SPATA22: variants seen among roughly 807,000 people sequenced by gnomAD.
SPATA22 encodes the protein spermatogenesis-associated protein 22.
A neutral mutation model predicts 47.8 loss-of-function variants in SPATA22; 29 were observed. That is an observed-to-expected ratio of 0.61 (90% CI 0.45 to 0.83). SPATA22 has a LOEUF of 0.83. Ranked by LOEUF, SPATA22 falls within the 40% of genes least tolerant of loss-of-function variation. The pLI is 0.00. For synonymous variants in SPATA22, 133 were observed against 140.9 expected (o/e 0.94, Z 0.40); for missense variants, 410 against 421.7 (o/e 0.97, Z 0.24).
At chr17:3,506,209 A>G (rs1344564019) in intron 1 of SPATA22, among the ~76,000 whole-genome samples, 4 of 152,186 alleles carry the variant, frequency 2.6e-5, no homozygotes, top group Admixed American at 2.0e-4. Flanking sequence ...ACACCTACCA[A>G]GCCGATGACT....
chr17:3,440,360 T>G (rs200477962), intron 8 of SPATA22, 22 bp from the exon 9 acceptor site: 3 of 1,494,480 alleles, frequency 2.0e-6, no homozygotes, highest in Non-Finnish European at 2.7e-6. Context: ...AAAATAAGTA[T>G]CAAAAAATAG....
rs147774198 is a variant in SPATA22, at chr17:3,449,021, T to C, written c.458A>G (p.Gln153Arg). 11 of 1,613,936 alleles carry C rather than the reference T, an allele frequency of 6.8e-6. No individual in the cohort carries two copies. Among genetic ancestry groups the C allele is most frequent in the Non-Finnish European group, 9.3e-6 (11 of 1,179,984 alleles). ...KNSCPVSSGA[Q>R]QQKQLRIPEP... is the part of the protein sequence containing the mutation. ...AGGTATTCTTAATTGTTTTTGTTGT[T>C]GAGCTCCCGAACTCACTGGACAAGA... is the stretch of plus-strand genomic sequence containing the variant. Residue 153 changes from glutamine (Q) to arginine (R), a missense_variant, in exon 6 of 9, where the codon CAA (glutamine) becomes CGA (arginine). Physicochemically the swap from Gln to Arg is conservative, Grantham distance 43 (BLOSUM62 1). Coordinates refer to ENST00000572969, the MANE Select transcript of SPATA22 (RefSeq NM_001170698.2).
intron 3 of SPATA22, among the ~76,000 whole-genome samples, chr17:3,464,792 C>A (rs2073241214): frequency 7.0e-6 from 1 of 142,652 alleles, no homozygotes; most frequent in African/African-American, 2.6e-5. Context: ...GGCAGCCGCC[C>A]CGTCTGAGAA....
chr17:3,509,068 T>C (rs1411985964), intron 1 of SPATA22, among the ~76,000 whole-genome samples: 1 of 152,076 alleles, frequency 6.6e-6, no homozygotes, highest in Non-Finnish European at 1.5e-5. Flanking sequence ...TGCCTCCTTG[T>C]GAAAAGCCTG....
At chr17:3,489,087 T>C in intron 1 of SPATA22, 2 of 572,350 alleles carry the variant, frequency 3.5e-6, no homozygotes, top group East Asian at 3.0e-5. Flanking sequence ...CCAAACATTA[T>C]GTCTCAAATA....
intron 1 of SPATA22, among the ~76,000 whole-genome samples, chr17:3,476,859 T>A (rs896731131): frequency 1.3e-5 from 2 of 152,214 alleles, no homozygotes; most frequent in African/African-American, 4.8e-5. Context: ...TCAAGTAATA[T>A]TTGTTGAATG....
chr17:3,511,736 G>A (rs2074116439), intron 1 of SPATA22: 1 of 152,330 alleles, frequency 6.6e-6, no homozygotes, highest in Admixed American at 6.5e-5. Context: ...AAGCTGGCAG[G>A]TTAGGCAAAT....
upstream of SPATA22, among the ~76,000 whole-genome samples, chr17:3,472,948 G>C (rs985847912): frequency 6.6e-6 from 1 of 152,010 alleles, no homozygotes; most frequent in Non-Finnish European, 1.5e-5. Flanking sequence ...AAGAAGACTT[G>C]AACAATAAAA....
In SPATA22 at chr17:3,440,146, C is replaced by T; in HGVS notation, c.*1G>A. 6.5e-7 allele frequency: 1 copy of T among 1,535,278 alleles called. No individual in the cohort carries two copies. Among genetic ancestry groups the T allele is most frequent in the Non-Finnish European group, 8.8e-7 (1 of 1,138,464 alleles). On this transcript the variant is annotated 3_prime_UTR_variant, in exon 9 of 9. Transcript: ENST00000572969. ...TATGCTAAACTTCCTTTTATCACTA[C>T]TTAAGTTTCATTCATCACATTAATA...
chr17:3,508,292 A>G (rs2074061410), intron 1 of SPATA22, among the ~76,000 whole-genome samples: 1 of 150,776 alleles, frequency 6.6e-6, no homozygotes, highest in Admixed American at 6.6e-5. Context: ...ACACTTTTAC[A>G]CTGTTGGTGG....
chr17:3,492,679 T>C (rs570334482), intron 1 of SPATA22, among the ~76,000 whole-genome samples: 4 of 152,282 alleles, frequency 2.6e-5, no homozygotes, highest in African/African-American at 7.2e-5. Flanking sequence ...ACAGCCCACA[T>C]TGGCCTGCTG....
chr17:3,511,384 G>C (rs926286388), intron 1 of SPATA22: 1 of 152,182 alleles, frequency 6.6e-6, no homozygotes, highest in African/African-American at 2.4e-5. Context: ...AGACATCTGT[G>C]GTCCAAGAAT....
At chr17:3,489,752 GGTGAACATATAA>G (rs1366439240) in intron 1 of SPATA22, among the ~76,000 whole-genome samples, 2 of 152,134 alleles carry the variant, frequency 1.3e-5, no homozygotes, top group Admixed American at 6.5e-5. Flanking sequence ...ATTACCTGCT[GGTGAACATATAA>G]GTGAACATAT....
chr17:3,473,109 T>TAAA (rs34905771), upstream of SPATA22, among the ~76,000 whole-genome samples: 3 of 129,342 alleles, frequency 2.3e-5, no homozygotes, highest in African/African-American at 5.9e-5. Flanking sequence ...GATTTTTCAT[T>TAAA]AAAAAAAAAA....
chr17:3,475,625 T>TA (rs1184649409), upstream of SPATA22: 5 of 161,364 alleles, frequency 3.1e-5, no homozygotes, highest in African/African-American at 1.2e-4. Context: ...TGGCTGTTTA[T>TA]AGAGGTGAGA....
intron 1 of SPATA22, chr17:3,471,449 A>G: frequency 2.0e-6 from 2 of 985,362 alleles, no homozygotes; most frequent in Non-Finnish European, 2.4e-6. Context: ...CCAGCTCCCA[A>G]ATGGACCTAA....
intron 6 of SPATA22, among the ~76,000 whole-genome samples, chr17:3,447,869 C>T (rs996648895): frequency 6.6e-6 from 1 of 152,140 alleles, no homozygotes; most frequent in African/African-American, 2.4e-5. Flanking sequence ...ACTGGCTGAC[C>T]TCTAGCAAAA....
intron 1 of SPATA22, among the ~76,000 whole-genome samples, chr17:3,487,515 T>A (rs2073746131): frequency 6.6e-6 from 1 of 152,230 alleles, no homozygotes; most frequent in East Asian, 1.9e-4. Context: ...CTAAGATTGA[T>A]ATTTGAGAGT....
At chr17:3,464,924 G>C (rs181666606) in intron 3 of SPATA22, among the ~76,000 whole-genome samples, 24,414 of 83,462 alleles carry the variant, frequency 0.29, 5,397 homozygotes, top group East Asian at 0.42. Context: ...CCAGCCGCCC[G>C]GTCTGGGAGG....
Sources: gnomAD v4.1 joint callset for allele counts (sites outside exome capture counted in the v4.1 genomes callset) on GRCh38, gnomAD v4.1.1 for gene constraint, MANE v1.5 for transcripts, NCBI Gene and HGNC (gene_info 2026-07-23, HGNC 2026-07-21) for gene names.